The following ZNF385D variants were observed in gnomAD, a reference collection of about 807,000 sequenced individuals.
The protein encoded by ZNF385D is zinc finger protein 659.
ZNF385D carries 15 observed loss-of-function variants against 35.8 expected under a neutral mutation model. The observed-to-expected ratio is 0.42, with a 90% CI of 0.28 to 0.64. ZNF385D has a LOEUF of 0.64. Among genes scored for constraint, ZNF385D ranks in the 30% least tolerant of loss-of-function variants. ZNF385D has a pLI of 0.23. For synonymous variants in ZNF385D, 212 were observed against 186.8 expected (o/e 1.13, Z -1.10); for missense variants, 474 against 494.6 (o/e 0.96, Z 0.39).
chr3:22,058,224 G>A (rs916040676), intron 3 of ZNF385D, among the ~76,000 whole-genome samples: 15 of 152,140 alleles, frequency 9.9e-5, no homozygotes, highest in African/African-American at 3.4e-4. Context: ...AAAGCAAACT[G>A]TATTAGAATA....
chr3:21,789,751 C>T (rs192316085), intron 3 of ZNF385D, among the ~76,000 whole-genome samples: 1 of 152,178 alleles, frequency 6.6e-6, no homozygotes. Flanking sequence ...AAATACTAAA[C>T]AAAGATGTAA....
rs985737125 is a variant in ZNF385D at position 21,443,220 on chromosome 3, C to T, written c.440-6017G>A. The T allele has an allele frequency of 3.0e-6, 3 of 985,234 alleles. No individual in the cohort carries two copies. The African/African-American group carries it at 5.2e-5, about 17-fold the overall frequency. The allele number at this position is 985,234 out of a possible 1,614,324, so 61.0% of individuals were successfully genotyped here. On this transcript the variant is annotated intron_variant, in intron 4 of 7. Transcript: ENST00000281523. The stretch of plus-strand genomic sequence containing the variant: ...ACCAGCCAGAAGTTCTGGCTTTGGG[C>T]ACTGCTTCCGCTCTGTTCTTACAAA...
chr3:21,978,567 T>C (rs564162414), intron 3 of ZNF385D, among the ~76,000 whole-genome samples: 7 of 152,314 alleles, frequency 4.6e-5, no homozygotes, highest in Non-Finnish European at 7.4e-5. Flanking sequence ...GAGACATACG[T>C]TTGTAATCAG....
intron 3 of ZNF385D, among the ~76,000 whole-genome samples, chr3:22,156,847 C>T (rs1559414337): frequency 6.6e-6 from 1 of 152,044 alleles, no homozygotes; most frequent in Non-Finnish European, 1.5e-5. Flanking sequence ...ATTTTAAAGA[C>T]CAAAAGTCAG....
intron 2 of ZNF385D, among the ~76,000 whole-genome samples, chr3:21,581,036 T>C (rs980878712): frequency 6.6e-6 from 1 of 152,132 alleles, no homozygotes; most frequent in Non-Finnish European, 1.5e-5. Context: ...AAGTGCCCTG[T>C]ATGCCTCTTT....
intron 2 of ZNF385D, among the ~76,000 whole-genome samples, chr3:21,627,900 T>C (rs2065178651): frequency 6.6e-6 from 1 of 152,146 alleles, no homozygotes; most frequent in Admixed American, 6.6e-5. Flanking sequence ...ACTACAAATA[T>C]AATCTTATCT....
intron 2 of ZNF385D, among the ~76,000 whole-genome samples, chr3:22,227,773 A>G (rs1240324976): frequency 6.6e-6 from 1 of 151,974 alleles, no homozygotes; most frequent in Non-Finnish European, 1.5e-5. Context: ...GTTACAACCC[A>G]TTTTCTAGAA....
intron 3 of ZNF385D, among the ~76,000 whole-genome samples, chr3:21,934,242 A>AT (rs1426227483): frequency 1.3e-5 from 2 of 152,230 alleles, no homozygotes; most frequent in Non-Finnish European, 2.9e-5. Flanking sequence ...GTTGAAGTAT[A>AT]TTTTTTCTTT....
intron 3 of ZNF385D, among the ~76,000 whole-genome samples, chr3:21,819,691 C>CGT (rs995495097): frequency 1.7e-4 from 24 of 142,364 alleles, no homozygotes; most frequent in African/African-American, 5.7e-4. Flanking sequence ...TCTATGTGTA[C>CGT]GTGTGTATAT....
intron 1 of ZNF385D, among the ~76,000 whole-genome samples, chr3:21,742,981 C>T (rs191236453): frequency 3.9e-5 from 6 of 152,292 alleles, no homozygotes; most frequent in East Asian, 1.9e-4. Context: ...CTTTCCAGTG[C>T]TAGGCACTTT....
chr3:22,106,566 T>C (rs2125635317), intron 3 of ZNF385D, among the ~76,000 whole-genome samples: 1 of 152,250 alleles, frequency 6.6e-6, no homozygotes, highest in African/African-American at 2.4e-5. Context: ...TTGATGCCCT[T>C]ATTAGTCAGC....
intron 2 of ZNF385D, among the ~76,000 whole-genome samples, chr3:21,652,816 T>G (rs542344420): frequency 2.0e-5 from 3 of 152,336 alleles, no homozygotes; most frequent in Non-Finnish European, 2.9e-5. Context: ...TTATAAAATT[T>G]GAAAAGCTTT....
chr3:21,839,606 A>C (rs1559677560), intron 3 of ZNF385D, among the ~76,000 whole-genome samples: 2 of 152,126 alleles, frequency 1.3e-5, no homozygotes, highest in Non-Finnish European at 2.9e-5. Flanking sequence ...AGTTGCTTAC[A>C]AGAGTAAAGA....
chr3:21,794,165 A>G (rs1443374945), intron 3 of ZNF385D, among the ~76,000 whole-genome samples: 6 of 152,094 alleles, frequency 3.9e-5, no homozygotes, highest in Non-Finnish European at 8.8e-5. Flanking sequence ...AAGGCACCTG[A>G]TCTCTACCTT....
chr3:22,186,698 TCTTA>T (rs1695658019), intron 2 of ZNF385D, among the ~76,000 whole-genome samples: 1 of 152,124 alleles, frequency 6.6e-6, no homozygotes, highest in Admixed American at 6.6e-5. Context: ...GATCTCAGCA[TCTTA>T]CTTAATTTCA....
At chr3:22,035,932 T>A (rs1225645436) in intron 3 of ZNF385D, among the ~76,000 whole-genome samples, 9 of 100,386 alleles carry the variant, frequency 9.0e-5, no homozygotes. Context: ...ACTTTCACAG[T>A]TTTTTTTTCC....
chr3:22,329,348 C>G (rs1430277959), intron 2 of ZNF385D, among the ~76,000 whole-genome samples: 1 of 152,084 alleles, frequency 6.6e-6, no homozygotes, highest in Non-Finnish European at 1.5e-5. Flanking sequence ...ATACATTACT[C>G]CATTTTCTGT....
chr3:21,619,476 T>G (rs933050311), intron 2 of ZNF385D, among the ~76,000 whole-genome samples: 11 of 151,950 alleles, frequency 7.2e-5, no homozygotes, highest in African/African-American at 2.7e-4. Flanking sequence ...ATATTTAGGT[T>G]CAACTAGGTA....
intron 3 of ZNF385D, among the ~76,000 whole-genome samples, chr3:21,948,198 C>T (rs1235608655): frequency 6.6e-6 from 1 of 151,910 alleles, no homozygotes. Flanking sequence ...TTAATTATAT[C>T]AATAAATTTC....
Sources: allele counts gnomAD v4.1 joint callset (sites outside exome capture counted in the v4.1 genomes callset), GRCh38; gene constraint gnomAD v4.1.1; transcripts MANE v1.5; gene names NCBI Gene and HGNC (gene_info 2026-07-23, HGNC 2026-07-21).